Variants in SPAG16 observed in about 807,000 individuals in gnomAD.
SPAG16 encodes the protein sperm-associated antigen 16 protein.
Under a neutral mutation model 80.4 loss-of-function variants are expected in SPAG16, and 86 were observed. The ratio of observed to expected loss-of-function variants is 1.07; its 90% confidence interval spans 0.90 to 1.28. SPAG16 has a LOEUF of 1.28. Ranked by LOEUF, SPAG16 falls within the 50% of genes most tolerant of loss-of-function variation. SPAG16 has a pLI of 0.00. For synonymous variants in SPAG16, 294 were observed against 265.9 expected (o/e 1.11, Z -1.03); for missense variants, 870 against 765.3 (o/e 1.14, Z -1.61).
chr2:214,071,686 A>G lies in SPAG16; in HGVS notation c.1528-36510A>G, dbSNP rs1365390301. On this transcript the variant is annotated intron_variant, in intron 13 of 15. Transcript: ENST00000331683. ...AGTCAGCCTTTCCTATCCTCCTTCAATTTGGTGTTGTAGATTGCTGAAATA... is the reference window on the plus strand; with the variant it reads ...AGTCAGCCTTTCCTATCCTCCTTCAGTTTGGTGTTGTAGATTGCTGAAATA... Among the ~76,000 whole-genome samples, 3 of 152,088 alleles carry G rather than the reference A, an allele frequency of 2.0e-5. No individual in the cohort carries two copies. The East Asian group carries it at 5.8e-4, about 29-fold the overall frequency.
chr2:214,175,025 A>T (rs1411250999), intron 15 of SPAG16, among the ~76,000 whole-genome samples: 3 of 151,428 alleles, frequency 2.0e-5, no homozygotes, highest in African/African-American at 7.3e-5. Flanking sequence ...GTGGAGAGTC[A>T]ACCTGTGTCT....
At chr2:213,718,168 AAG>A (rs1553615684) in intron 10 of SPAG16, among the ~76,000 whole-genome samples, 3 of 151,094 alleles carry the variant, frequency 2.0e-5, no homozygotes, top group African/African-American at 4.9e-5. Context: ...AAAAAAAAAA[AAG>A]AAAACCACCA....
At position 213,365,632 on chromosome 2, in the gene SPAG16, A is replaced by T. The variant is rs1344453077; in HGVS notation, c.832+1487A>T. On this transcript the variant is annotated intron_variant, in intron 8 of 15. Coordinates refer to ENST00000331683, the MANE Select transcript of SPAG16 (RefSeq NM_024532.5). The stretch of plus-strand genomic sequence containing the variant: ...GCCACCATGACTGGCTAATTTTTGT[A>T]TTTTTAGTAGAGCTGGGGCTTCACC... Among the ~76,000 whole-genome samples the T allele has an allele frequency of 2.0e-5, 3 of 151,302 alleles. No individual in the cohort carries two copies. The East Asian group carries it at 5.9e-4, about 30-fold the overall frequency.
intron 10 of SPAG16, among the ~76,000 whole-genome samples, chr2:213,751,476 T>TA (rs1309393759): frequency 7.9e-5 from 12 of 152,328 alleles, no homozygotes; most frequent in African/African-American, 2.9e-4. Flanking sequence ...GTAACACTCA[T>TA]AGGCCTTAAT....
At chr2:213,777,712 T>TA in intron 10 of SPAG16, among the ~76,000 whole-genome samples, 1 of 152,228 alleles carries the variant, frequency 6.6e-6, no homozygotes, top group Non-Finnish European at 1.5e-5. Context: ...AATTTTTGTA[T>TA]TTTTAGGAGA....
At chr2:214,003,654 G>A (rs2046897465) in intron 12 of SPAG16, among the ~76,000 whole-genome samples, 1 of 152,238 alleles carries the variant, frequency 6.6e-6, no homozygotes, top group African/African-American at 2.4e-5. Flanking sequence ...TGTTTTGAGG[G>A]GAAATACAGG....
chr2:214,366,267 C>T (rs569571838), intron 15 of SPAG16, among the ~76,000 whole-genome samples: 23 of 152,308 alleles, frequency 1.5e-4, no homozygotes, highest in African/African-American at 5.5e-4. Flanking sequence ...TGAGCCACTG[C>T]GTCTGGCCTT....
At chr2:213,868,699 A>G (rs935012156) in intron 11 of SPAG16, among the ~76,000 whole-genome samples, 4 of 152,194 alleles carry the variant, frequency 2.6e-5, no homozygotes, top group Non-Finnish European at 5.9e-5. Context: ...AAGCAGTGGG[A>G]TTAGTGGTTT....
chr2:213,598,867 A>G (rs959706357), intron 10 of SPAG16, among the ~76,000 whole-genome samples: 1 of 152,144 alleles, frequency 6.6e-6, no homozygotes, highest in African/African-American at 2.4e-5. Context: ...ATCATGTTAC[A>G]TAGGCTTCAG....
At chr2:213,715,484 GCTTGGGTT>G (rs1215594908) in intron 10 of SPAG16, among the ~76,000 whole-genome samples, 1 of 152,260 alleles carries the variant, frequency 6.6e-6, no homozygotes, top group East Asian at 1.9e-4. Flanking sequence ...AGTGAAAATA[GCTTGGGTT>G]CTAGCACCGT....
At chr2:213,693,711 G>A (rs2065040027) in intron 10 of SPAG16, among the ~76,000 whole-genome samples, 1 of 152,176 alleles carries the variant, frequency 6.6e-6, no homozygotes, top group South Asian at 2.1e-4. Context: ...TTTACATGAA[G>A]AGAGACTTAA....
intron 15 of SPAG16, among the ~76,000 whole-genome samples, chr2:214,369,125 A>G (rs907857917): frequency 6.6e-6 from 1 of 152,204 alleles, no homozygotes; most frequent in Non-Finnish European, 1.5e-5. Flanking sequence ...CCAGTGGACA[A>G]CTCAGGAGAT....
intron 10 of SPAG16, among the ~76,000 whole-genome samples, chr2:213,712,073 T>G (rs1476627108): frequency 1.3e-5 from 2 of 152,224 alleles, no homozygotes; most frequent in East Asian, 3.9e-4. Flanking sequence ...GACTGCAATA[T>G]AAATGGCCTA....
At position 213,539,973 on chromosome 2, in the gene SPAG16, A is replaced by G. The variant is rs546641506; in HGVS notation, c.1070+49883A>G. Among the ~76,000 whole-genome samples the G allele has an allele frequency of 2.6e-5, 4 of 151,962 alleles. No homozygotes were observed. In the South Asian group the frequency reaches 8.3e-4, roughly 32 times the overall value. On this transcript the variant is annotated intron_variant, in intron 10 of 15. Coordinates refer to ENST00000331683, the MANE Select transcript of SPAG16 (RefSeq NM_024532.5). ...CTTGGTCAGCACAATTTTTAGATAA[A>G]GGAAGTGAAATAAATCGAGTTTCTT...
chr2:213,705,329 A>G (rs1204563685), intron 10 of SPAG16, among the ~76,000 whole-genome samples: 4 of 152,158 alleles, frequency 2.6e-5, no homozygotes, highest in Admixed American at 6.5e-5. Context: ...CAAGTAGACT[A>G]GTTAATTGAT....
At chr2:213,534,757 A>G (rs144924026) in intron 10 of SPAG16, among the ~76,000 whole-genome samples, 1 of 152,218 alleles carries the variant, frequency 6.6e-6, no homozygotes, top group East Asian at 1.9e-4. Context: ...AAAGAGACAC[A>G]TTTATTTGTC....
intron 9 of SPAG16, among the ~76,000 whole-genome samples, chr2:213,479,594 G>A (rs1036666056): frequency 7.9e-5 from 12 of 151,868 alleles, no homozygotes; most frequent in Non-Finnish European, 1.6e-4. Context: ...TGAAAAAAAA[G>A]CACTATCTGT....
chr2:213,391,443 T>C (rs1454820546), intron 9 of SPAG16, among the ~76,000 whole-genome samples: 1 of 152,208 alleles, frequency 6.6e-6, no homozygotes, highest in Non-Finnish European at 1.5e-5. Flanking sequence ...ATGAATTAGT[T>C]TGAAGCCTAA....
chr2:214,352,572 G>A (rs1378535532), intron 15 of SPAG16, among the ~76,000 whole-genome samples: 3 of 60,710 alleles, frequency 4.9e-5, no homozygotes, highest in African/African-American at 9.4e-5. Context: ...GTGTGTGTGT[G>A]TGTATGTGTG....
Sources: gnomAD v4.1 joint callset for allele counts (sites outside exome capture counted in the v4.1 genomes callset) on GRCh38, gnomAD v4.1.1 for gene constraint, MANE v1.5 for transcripts, NCBI Gene and HGNC (gene_info 2026-07-23, HGNC 2026-07-21) for gene names.